Variants in LIN28B observed in about 807,000 individuals in gnomAD.
LIN28B encodes the protein protein lin-28 homolog B.
In LIN28B, 5 loss-of-function variants were observed where a neutral mutation model predicts 21.9. The ratio of observed to expected loss-of-function variants is 0.23; its 90% CI spans 0.12 to 0.48. LIN28B has a LOEUF of 0.48. LIN28B is among the 20% of genes least tolerant of loss of function. The pLI is 0.98. For missense variants in LIN28B, 245 were observed against 310.5 expected, an observed-to-expected ratio of 0.79 and a Z score of 1.58; for synonymous variants, 109 against 111.3, an observed-to-expected ratio of 0.98 and a Z score of 0.13.
chr6:104,966,438 C>A (rs1046393227), intron 2 of LIN28B, among the ~76,000 whole-genome samples: 2 of 151,774 alleles, frequency 1.3e-5, no homozygotes, highest in Non-Finnish European at 2.9e-5. Context: ...TTTTATTAAT[C>A]ATTTTAATTA....
chr6:105,051,333 G>A (rs1314975693), intron 3 of LIN28B, among the ~76,000 whole-genome samples: 2 of 151,290 alleles, frequency 1.3e-5, no homozygotes, highest in African/African-American at 4.9e-5. Context: ...CAGCTACTCA[G>A]GAGGGTAAGG....
At chr6:104,965,755 G>C (rs933145225) in intron 2 of LIN28B, among the ~76,000 whole-genome samples, 6 of 152,020 alleles carry the variant, frequency 3.9e-5, no homozygotes, top group African/African-American at 1.5e-4. Context: ...CAGATATTTT[G>C]GTTTTAATAA....
chr6:105,026,508 A>G, intron 3 of LIN28B, 26 bp downstream of exon 3: 1 of 1,429,994 alleles, frequency 7.0e-7, no homozygotes, highest in Non-Finnish European at 9.5e-7. Context: ...TTGTTAATTT[A>G]TCAGTTTATT....
chr6:104,975,471 C>A (rs1263333504), intron 2 of LIN28B, among the ~76,000 whole-genome samples: 2 of 152,102 alleles, frequency 1.3e-5, no homozygotes, highest in Non-Finnish European at 2.9e-5. Context: ...TTTTTCTTAA[C>A]TGATTATCCA....
intron 2 of LIN28B, among the ~76,000 whole-genome samples, chr6:104,948,614 TA>T (rs778357495): frequency 3.0e-4 from 45 of 152,354 alleles, no homozygotes; most frequent in Admixed American, 5.9e-4. Context: ...TATGAACATT[TA>T]AAATTATAAA....
In LIN28B at chr6:105,081,136, G is replaced by A. The variant is rs961021398; in HGVS notation, c.*2353G>A. ...ACTCAGGACAAAGAACTTTGCTCAGGGAACATACCATGTAATATTTTTGTT... is the reference window on the plus strand; with the variant it reads ...ACTCAGGACAAAGAACTTTGCTCAGAGAACATACCATGTAATATTTTTGTT... On this transcript the variant is annotated 3_prime_UTR_variant, in exon 4 of 4. Transcript: ENST00000345080. 6.6e-6 allele frequency: 1 copy of A among 152,438 alleles called. No individual in the cohort carries two copies. Among genetic ancestry groups the A allele is most frequent in the Non-Finnish European group, 1.5e-5 (1 of 67,998 alleles). 9.4% of individuals were successfully genotyped at this position (152,438 alleles called of 1,614,324 possible).
At chr6:104,979,591 TAA>T in intron 2 of LIN28B, among the ~76,000 whole-genome samples, 1 of 145,062 alleles carries the variant, frequency 6.9e-6, no homozygotes. Context: ...TTTTTCTTGT[TAA>T]AAAAAAAAAA....
At position 104,958,142 on chromosome 6, in the gene LIN28B, G is replaced by A. The variant is rs761976101; in HGVS notation, c.54G>A (p.Pro18=). The part of the protein sequence containing the change: ...KGGGEEPGKL[P]EPAEEESQVL... ...GTGGAGAAGAGCCCGGGAAGCTGCCGGAGCCGGCAGAGGAGGAATCCCAGG... is the reference window on the plus strand; with the variant it reads ...GTGGAGAAGAGCCCGGGAAGCTGCCAGAGCCGGCAGAGGAGGAATCCCAGG... Residue 18 remains proline, a synonymous_variant, in exon 2 of 4, where the codon CCG becomes CCA. Coordinates refer to ENST00000345080, the MANE Select transcript of LIN28B (RefSeq NM_001004317.4). 19 of 1,605,746 alleles carry A rather than the reference G, an allele frequency of 1.2e-5. No individual in the cohort carries two copies. The highest frequency in any genetic ancestry group is 1.5e-5 in the Non-Finnish European group (18 of 1,174,094).
intron 2 of LIN28B, chr6:104,950,400 TGAAGAA>T: frequency 1.1e-6 from 1 of 886,250 alleles, no homozygotes; most frequent in African/African-American, 1.7e-5. Flanking sequence ...GCCATTAGGA[TGAAGAA>T]GAGGCAATTA....
At chr6:104,982,978 AT>A (rs577764917) in intron 2 of LIN28B, among the ~76,000 whole-genome samples, 4 of 149,830 alleles carry the variant, frequency 2.7e-5, no homozygotes, top group East Asian at 2.0e-4. Context: ...TTTTTCTTTT[AT>A]TTTTTTTTGG....
At chr6:104,977,510 G>C (rs1045716473) in intron 2 of LIN28B, among the ~76,000 whole-genome samples, 1 of 152,052 alleles carries the variant, frequency 6.6e-6, no homozygotes, top group African/African-American at 2.4e-5. Context: ...AACTCTATGT[G>C]GAAATTGTTT....
At chr6:105,049,939 T>C (rs1771859854) in intron 3 of LIN28B, among the ~76,000 whole-genome samples, 1 of 152,174 alleles carries the variant, frequency 6.6e-6, no homozygotes, top group African/African-American at 2.4e-5. Flanking sequence ...CACTGATGGG[T>C]CTTGACTTTT....
At chr6:104,938,515 T>TACTTAGGAGACTGAGGCCAGCTACTTA (rs1361117228) in intron 2 of LIN28B, among the ~76,000 whole-genome samples, 29 of 151,938 alleles carry the variant, frequency 1.9e-4, no homozygotes, top group Admixed American at 1.0e-3. Flanking sequence ...AGAGCAGGCC[T>TACTTAGGAGACTGAGGCCAGCTACTTA]GTAATCCCAG....
intron 2 of LIN28B, among the ~76,000 whole-genome samples, chr6:104,981,042 A>G (rs549647496): frequency 2.0e-5 from 3 of 152,278 alleles, no homozygotes; most frequent in African/African-American, 7.2e-5. Context: ...GGAACATTTT[A>G]TTTTAGCTAG....
intron 2 of LIN28B, among the ~76,000 whole-genome samples, chr6:104,959,196 C>T (rs1463852396): frequency 1.3e-5 from 2 of 151,890 alleles, no homozygotes; most frequent in Admixed American, 1.3e-4. Flanking sequence ...TTATGGAAGC[C>T]GGTTGTTTCC....
intron 3 of LIN28B, among the ~76,000 whole-genome samples, chr6:105,049,861 T>C (rs901655093): frequency 2.1e-5 from 3 of 140,746 alleles, no homozygotes; most frequent in Non-Finnish European, 3.1e-5. Flanking sequence ...TTGGTAGATA[T>C]TCCTCCTTCC....
chr6:104,946,970 T>C (rs929159514), intron 2 of LIN28B, among the ~76,000 whole-genome samples: 10 of 152,172 alleles, frequency 6.6e-5, no homozygotes, highest in Admixed American at 3.3e-4. Context: ...GATTGTTAAA[T>C]CATTTTTGCA....
chr6:104,948,100 G>C (rs1475891715), intron 2 of LIN28B, among the ~76,000 whole-genome samples: 3 of 152,078 alleles, frequency 2.0e-5, no homozygotes, highest in Non-Finnish European at 4.4e-5. Flanking sequence ...TGTATTTTGG[G>C]ATTTCATAGG....
intron 3 of LIN28B, among the ~76,000 whole-genome samples, chr6:105,056,284 T>C (rs1339465905): frequency 2.0e-5 from 3 of 151,504 alleles, no homozygotes; most frequent in African/African-American, 4.8e-5. Flanking sequence ...ATGTAGAATA[T>C]TGGGCTGATA....
Sources: gnomAD v4.1 joint callset for allele counts (sites outside exome capture counted in the v4.1 genomes callset) on GRCh38, gnomAD v4.1.1 for gene constraint, MANE v1.5 for transcripts, NCBI Gene and HGNC (gene_info 2026-07-23, HGNC 2026-07-21) for gene names.